RNF121: variants seen among roughly 807,000 people sequenced by gnomAD.
RNF121 encodes the protein E3 ubiquitin ligase RNF121.
In RNF121, 21 loss-of-function variants were observed where a neutral mutation model predicts 46.5. The ratio of observed to expected loss-of-function variants is 0.45; its 90% CI spans 0.32 to 0.65. RNF121 has a LOEUF of 0.65. Ranked by LOEUF, RNF121 falls within the 30% of genes least tolerant of loss-of-function variation. RNF121 has a pLI of 0.04. For missense variants in RNF121, 346 were observed against 416.0 expected (o/e 0.83, Z 1.46); for synonymous variants, 139 against 144.7 (o/e 0.96, Z 0.28).
chr11:71,967,624 T>C lies in RNF121; in HGVS notation c.243+6733T>C, dbSNP rs149690508. Among the ~76,000 whole-genome samples, 18 of 152,284 alleles carry C rather than the reference T, an allele frequency of 1.2e-4. No homozygotes were observed. In the East Asian group the frequency reaches 3.3e-3, roughly 28 times the overall value. ...GTATTTTTAGTACGTGGTTTCACCA[T>C]GTTGGCCAGGATAGTCTCGATCTCC... On this transcript the variant is annotated intron_variant, in intron 3 of 8. Coordinates refer to ENST00000361756, the MANE Select transcript of RNF121 (RefSeq NM_018320.5).
At position 71,990,521 on chromosome 11, in the gene RNF121, T is replaced by G. The variant is rs1164061785; in HGVS notation, c.507-76T>G. The G allele has an allele frequency of 1.9e-6, 3 of 1,555,284 alleles. No homozygotes were observed. The African/African-American group carries it at 4.1e-5, about 21-fold the overall frequency. ...GGCCTTCTCGCTTTGGGCCCTGCCT[T>G]GTGTGTCCCAGAGTAGTAATCCATA... On this transcript the variant is annotated intron_variant, in intron 5 of 8. Transcript: ENST00000361756.
intron 3 of RNF121, among the ~76,000 whole-genome samples, chr11:71,972,894 A>G (rs1467479090): frequency 6.6e-6 from 1 of 152,084 alleles, no homozygotes; most frequent in Non-Finnish European, 1.5e-5. Flanking sequence ...TAAGAGAAAC[A>G]TAGGCTGGGC....
intron 4 of RNF121, among the ~76,000 whole-genome samples, chr11:71,986,288 T>C (rs1314219128): frequency 1.3e-5 from 2 of 152,204 alleles, no homozygotes; most frequent in Non-Finnish European, 2.9e-5. Flanking sequence ...CTACCTCTGA[T>C]TCATCTCTTG....
intron 1 of RNF121, among the ~76,000 whole-genome samples, chr11:71,939,747 A>G (rs1319234707): frequency 6.6e-6 from 1 of 152,202 alleles, no homozygotes; most frequent in East Asian, 1.9e-4. Flanking sequence ...GCTGGTATAC[A>G]CTATGACATG....
chr11:71,963,204 T>C (rs1392504423), intron 3 of RNF121, among the ~76,000 whole-genome samples: 2 of 152,236 alleles, frequency 1.3e-5, no homozygotes, highest in Non-Finnish European at 2.9e-5. Context: ...TAAACAGTTT[T>C]TAATTTTGAT....
chr11:71,966,546 A>G (rs1012649467), intron 3 of RNF121, among the ~76,000 whole-genome samples: 1 of 151,762 alleles, frequency 6.6e-6, no homozygotes, highest in East Asian at 1.9e-4. Flanking sequence ...CAGCAGCTCC[A>G]TCATAGCTCA....
In RNF121 at chr11:71,949,587, G is replaced by A. The variant is rs984463723; in HGVS notation, c.64-7640G>A. On this transcript the variant is annotated intron_variant, in intron 1 of 8. Coordinates refer to ENST00000361756, the MANE Select transcript of RNF121 (RefSeq NM_018320.5). ...AAAAATTAGCTGGGTGTGGTGGTGC[G>A]TGTCTATAATCCCAGCTACTTGGGA... is the stretch of plus-strand genomic sequence containing the variant. Among the ~76,000 whole-genome samples, 5 of 152,094 alleles carry A rather than the reference G, an allele frequency of 3.3e-5. No homozygotes were observed. In the East Asian group the frequency reaches 7.7e-4, roughly 23 times the overall value.
chr11:71,952,588 C>T (rs1953907527), intron 1 of RNF121, among the ~76,000 whole-genome samples: 1 of 152,058 alleles, frequency 6.6e-6, no homozygotes, highest in South Asian at 2.1e-4. Flanking sequence ...GCAGGCAGGT[C>T]ACTTGAGGTC....
At chr11:71,986,286 G>C (rs1292142856) in intron 4 of RNF121, among the ~76,000 whole-genome samples, 2 of 152,160 alleles carry the variant, frequency 1.3e-5, no homozygotes, top group Non-Finnish European at 2.9e-5. Flanking sequence ...TTCTACCTCT[G>C]ATTCATCTCT....
chr11:71,968,509 A>G (rs189192672), intron 3 of RNF121, among the ~76,000 whole-genome samples: 36 of 152,302 alleles, frequency 2.4e-4, no homozygotes, highest in Non-Finnish European at 1.6e-4. Flanking sequence ...ATAGCTACCA[A>G]TTTTACAATT....
intron 1 of RNF121, among the ~76,000 whole-genome samples, chr11:71,948,314 G>T (rs911139896): frequency 6.6e-6 from 1 of 151,884 alleles, no homozygotes; most frequent in Non-Finnish European, 1.5e-5. Context: ...TCAGAAGTTC[G>T]AGACCAGCCT....
chr11:71,944,331 T>G (rs1432291366), intron 1 of RNF121, among the ~76,000 whole-genome samples: 1 of 151,720 alleles, frequency 6.6e-6, no homozygotes, highest in African/African-American at 2.4e-5. Context: ...AGACTCTGTC[T>G]CAAAAAAAAA....
chr11:71,988,720 G>A (rs745760899), intron 5 of RNF121, among the ~76,000 whole-genome samples: 3 of 152,086 alleles, frequency 2.0e-5, no homozygotes, highest in Admixed American at 1.3e-4. Context: ...TACTCAGGAG[G>A]CTGAGGTGGG....
intron 1 of RNF121, among the ~76,000 whole-genome samples, chr11:71,941,503 A>G (rs918378518): frequency 2.6e-5 from 4 of 152,234 alleles, no homozygotes; most frequent in Non-Finnish European, 4.4e-5. Context: ...GTCCTTGCTC[A>G]TATTAGGTTT....
intron 4 of RNF121, chr11:71,983,837 C>G (rs910683753): frequency 1.3e-5 from 2 of 152,318 alleles, no homozygotes; most frequent in African/African-American, 4.8e-5. Context: ...AAAGCTGTGA[C>G]CACCTGATCC....
intron 3 of RNF121, among the ~76,000 whole-genome samples, chr11:71,974,540 G>A (rs1954488234): frequency 6.6e-6 from 1 of 152,144 alleles, no homozygotes; most frequent in Admixed American, 6.5e-5. Flanking sequence ...GAATCCTGAA[G>A]TGATTTGCTG....
intron 1 of RNF121, among the ~76,000 whole-genome samples, chr11:71,942,767 T>TA (rs1418026594): frequency 2.0e-5 from 1 of 49,108 alleles, no homozygotes; most frequent in Admixed American, 2.3e-4. Context: ...AAAATCTATA[T>TA]ATCTGTATAT....
chr11:71,993,990 C>G (rs981548537), intron 6 of RNF121, among the ~76,000 whole-genome samples: 6 of 151,724 alleles, frequency 4.0e-5, no homozygotes, highest in Admixed American at 3.3e-4. Flanking sequence ...ACAGGCGCCC[C>G]CCACCATGCC....
chr11:71,977,924 A>G (rs1954562908), intron 3 of RNF121, among the ~76,000 whole-genome samples: 1 of 152,214 alleles, frequency 6.6e-6, no homozygotes, highest in African/African-American at 2.4e-5. Context: ...GTCTCCATAA[A>G]TGTTGCCACG....
Sources: gnomAD v4.1 joint callset for allele counts (sites outside exome capture counted in the v4.1 genomes callset) on GRCh38, gnomAD v4.1.1 for gene constraint, MANE v1.5 for transcripts, NCBI Gene and HGNC (gene_info 2026-07-23, HGNC 2026-07-21) for gene names.